ANO10: variants seen among roughly 807,000 people sequenced by gnomAD.
ANO10 encodes anoctamin 10.
A neutral mutation model predicts 74.7 loss-of-function variants in ANO10; 77 were observed. The observed-to-expected ratio is 1.03, with a 90% CI of 0.86 to 1.25. The LOEUF (loss-of-function observed/expected upper bound fraction) is 1.25. Ranked by LOEUF, ANO10 falls within the 50% of genes most tolerant of loss-of-function variation. The pLI, the probability that ANO10 is intolerant of heterozygous loss-of-function variation, is 0.00. For synonymous variants in ANO10, 279 were observed against 284.9 expected, an observed-to-expected ratio of 0.98 and a Z score of 0.21; for missense variants, 721 against 778.1, an observed-to-expected ratio of 0.93 and a Z score of 0.87.
chr3:43,553,355 C>T (rs1301331008), intron 10 of ANO10, among the ~76,000 whole-genome samples: 1 of 152,128 alleles, frequency 6.6e-6, no homozygotes, highest in Non-Finnish European at 1.5e-5. Flanking sequence ...TCTCTTGCCA[C>T]ATTTAAAAAG....
chr3:43,458,624 A>T (rs2075244927), intron 11 of ANO10, among the ~76,000 whole-genome samples: 1 of 152,226 alleles, frequency 6.6e-6, no homozygotes, highest in Non-Finnish European at 1.5e-5. Flanking sequence ...TCAATCTCCC[A>T]TTAGGCTTAA....
chr3:43,587,555 G>A (rs2081535297), intron 4 of ANO10, among the ~76,000 whole-genome samples: 1 of 152,196 alleles, frequency 6.6e-6, no homozygotes, highest in South Asian at 2.1e-4. Flanking sequence ...TGAAGGGAAG[G>A]GTTGGAAAGT....
At chr3:43,485,373 C>T in intron 11 of ANO10, 1 of 455,974 alleles carries the variant, frequency 2.2e-6, no homozygotes, top group Non-Finnish European at 4.1e-6. Flanking sequence ...ATTGCCGCTC[C>T]TGATCGGGCT....
intron 11 of ANO10, among the ~76,000 whole-genome samples, chr3:43,524,275 A>C (rs1006555682): frequency 3.4e-4 from 1 of 2,918 alleles, no homozygotes; most frequent in Middle Eastern, 0.5. Context: ...CATTTGCTTC[A>C]AACAAGCATT....
At chr3:43,560,813 C>T (rs922701987) in intron 9 of ANO10, among the ~76,000 whole-genome samples, 3 of 152,240 alleles carry the variant, frequency 2.0e-5, no homozygotes, top group Non-Finnish European at 4.4e-5. Context: ...ATTGGCATTC[C>T]ATTGTTCATC....
chr3:43,489,233 G>A (rs1385240178), intron 11 of ANO10, among the ~76,000 whole-genome samples: 1 of 151,062 alleles, frequency 6.6e-6, no homozygotes, highest in Non-Finnish European at 1.5e-5. Context: ...TGAGGAGTTA[G>A]TGGGTGCAGT....
chr3:43,612,143 TATATA>T (rs1559780607), intron 1 of ANO10, among the ~76,000 whole-genome samples: 147 of 14,466 alleles, frequency 0.01, 1 homozygote, highest in African/African-American at 0.052. Context: ...AAATATTTTA[TATATA>T]TATATATATA....
chr3:43,498,223 G>A (rs1169774506), intron 11 of ANO10, among the ~76,000 whole-genome samples: 2 of 152,188 alleles, frequency 1.3e-5, no homozygotes, highest in African/African-American at 4.8e-5. Flanking sequence ...ACTGGCTGTT[G>A]GCAGGTACAG....
intron 11 of ANO10, among the ~76,000 whole-genome samples, chr3:43,478,845 C>G (rs1158335219): frequency 6.6e-6 from 1 of 152,168 alleles, no homozygotes; most frequent in African/African-American, 2.4e-5. Context: ...TCTGATATAT[C>G]CTTAGACTTC....
At chr3:43,592,489 T>G (rs1292610873) in intron 4 of ANO10, among the ~76,000 whole-genome samples, 1 of 152,226 alleles carries the variant, frequency 6.6e-6, no homozygotes, top group African/African-American at 2.4e-5. Context: ...GCAAACAGGG[T>G]CTGGAGTGGA....
At chr3:43,468,202 A>G (rs1447570960) in intron 11 of ANO10, among the ~76,000 whole-genome samples, 1 of 152,260 alleles carries the variant, frequency 6.6e-6, no homozygotes, top group African/African-American at 2.4e-5. Flanking sequence ...CAATGCTGGT[A>G]GGTGGGTAAT....
In ANO10 at chr3:43,391,110, G is replaced by C. The variant is rs193074143; in HGVS notation, c.1915-24136C>G. Among the ~76,000 whole-genome samples the C allele has an allele frequency of 1.9e-3, 282 of 152,276 alleles. 1 individual carries two copies. The highest frequency in any genetic ancestry group is 4.9e-3 in the African/African-American group (204 of 41,564). On this transcript the variant is annotated intron_variant, in intron 12 of 12. Coordinates refer to ENST00000292246, the MANE Select transcript of ANO10 (RefSeq NM_018075.5). ...TGTTTTCTGAACTATCTGAGGGTAA[G>C]CTGCAGACATTATGCCCTTTTACAA...
chr3:43,452,588 C>A (rs980631667), intron 11 of ANO10, among the ~76,000 whole-genome samples: 1 of 152,146 alleles, frequency 6.6e-6, no homozygotes, highest in South Asian at 2.1e-4. Flanking sequence ...AGTTGGTGGA[C>A]ATTTGGGTTG....
chr3:43,555,170 C>G (rs934980454), intron 10 of ANO10, 108 bp downstream of exon 10: 1 of 1,138,942 alleles, frequency 8.8e-7, no homozygotes, highest in East Asian at 2.5e-5. Context: ...CAAACAAATT[C>G]AGTTTTCCTA....
chr3:43,568,458 A>G lies in ANO10; in HGVS notation c.1219-2731T>C, dbSNP rs1366039772. On this transcript the variant is annotated intron_variant, in intron 7 of 12. Coordinates refer to ENST00000292246, the MANE Select transcript of ANO10 (RefSeq NM_018075.5). The stretch of plus-strand genomic sequence containing the variant: ...AAGTAAAGCACTCCTCAGCAAATGT[A>G]AAAGAACAGAAATTATAACAAACTA... Among the ~76,000 whole-genome samples, 3 of 152,184 alleles carry G rather than the reference A, an allele frequency of 2.0e-5. No individual in the cohort carries two copies. In the East Asian group the frequency reaches 5.8e-4, roughly 29 times the overall value.
At chr3:43,640,751 G>A (rs2083663377) in intron 1 of ANO10, among the ~76,000 whole-genome samples, 1 of 152,174 alleles carries the variant, frequency 6.6e-6, no homozygotes, top group African/African-American at 2.4e-5. Flanking sequence ...CAGAGTCTGA[G>A]GAACCTAATG....
At chr3:43,372,901 C>T (rs1289944706) in intron 12 of ANO10, 10 of 1,508,264 alleles carry the variant, frequency 6.6e-6, no homozygotes, top group African/African-American at 4.2e-5. Flanking sequence ...AGTGTAATTC[C>T]GATGAACTTG....
chr3:43,591,258 G>A (rs893658390), intron 4 of ANO10, among the ~76,000 whole-genome samples: 14 of 152,196 alleles, frequency 9.2e-5, no homozygotes, highest in Non-Finnish European at 1.5e-4. Flanking sequence ...CAGGCAGGGT[G>A]TCCGCTGCGC....
At chr3:43,504,309 T>TAGATAGAC in intron 11 of ANO10, among the ~76,000 whole-genome samples, 1 of 145,200 alleles carries the variant, frequency 6.9e-6, no homozygotes, top group East Asian at 2.0e-4. Flanking sequence ...GGTAGATAGA[T>TAGATAGAC]AGATAGATAG....
Sources: gnomAD v4.1 joint callset for allele counts (sites outside exome capture counted in the v4.1 genomes callset) on GRCh38, gnomAD v4.1.1 for gene constraint, MANE v1.5 for transcripts, NCBI Gene and HGNC (gene_info 2026-07-23, HGNC 2026-07-21) for gene names.